Variants in MACROD2 observed in about 807,000 individuals in gnomAD.
MACROD2 encodes the protein ADP-ribose glycohydrolase MACROD2.
A neutral mutation model predicts 70.4 loss-of-function variants in MACROD2; 36 were observed. The ratio of observed to expected loss-of-function variants is 0.51; its 90% CI spans 0.39 to 0.68. The LOEUF is 0.68. Ranked by LOEUF, MACROD2 falls within the 30% of genes least tolerant of loss-of-function variation. The pLI is 0.00. For missense variants in MACROD2, 496 were observed against 538.4 expected, an observed-to-expected ratio of 0.92 and a Z score of 0.78; for synonymous variants, 172 against 178.8, an observed-to-expected ratio of 0.96 and a Z score of 0.30.
At chr20:15,663,232 ATTTTTTTT>A (rs34234600) in intron 8 of MACROD2, among the ~76,000 whole-genome samples, 1 of 129,834 alleles carries the variant, frequency 7.7e-6, no homozygotes, top group Non-Finnish European at 1.6e-5. Context: ...TCAGAATTTG[ATTTTTTTT>A]TTTTTTTTTT....
At chr20:14,003,935 T>C (rs2052773623) in intron 2 of MACROD2, among the ~76,000 whole-genome samples, 1 of 152,202 alleles carries the variant, frequency 6.6e-6, no homozygotes, top group Non-Finnish European at 1.5e-5. Context: ...CAGTAATTTC[T>C]TTTTTTGTTT....
intron 3 of MACROD2, among the ~76,000 whole-genome samples, chr20:14,304,094 T>C (rs2082499268): frequency 6.6e-6 from 1 of 152,200 alleles, no homozygotes; most frequent in Admixed American, 6.5e-5. Context: ...GACCTTTCCA[T>C]TCTCTTACTA....
intron 4 of MACROD2, among the ~76,000 whole-genome samples, chr20:14,498,867 C>T (rs1000181787): frequency 5.3e-5 from 8 of 152,326 alleles, no homozygotes; most frequent in East Asian, 1.9e-4. Flanking sequence ...ATCACTCCAG[C>T]GCTCAACATC....
At chr20:15,466,706 T>A (rs1442604224) in intron 7 of MACROD2, among the ~76,000 whole-genome samples, 4 of 152,368 alleles carry the variant, frequency 2.6e-5, no homozygotes, top group African/African-American at 9.6e-5. Context: ...GAAAAGAGAC[T>A]GTATTATAAT....
intron 12 of MACROD2, among the ~76,000 whole-genome samples, chr20:15,939,970 C>T (rs1302592237): frequency 6.6e-6 from 1 of 152,088 alleles, no homozygotes; most frequent in African/African-American, 2.4e-5. Context: ...TGTAACTGAA[C>T]TGTAATCTCA....
intron 3 of MACROD2, among the ~76,000 whole-genome samples, chr20:14,233,712 AAGAAAAG>A (rs1425632912): frequency 1.1e-4 from 4 of 35,454 alleles, no homozygotes; most frequent in Non-Finnish European, 3.8e-4. Context: ...AAAAAAAAAA[AAGAAAAG>A]AAAAGAAAAG....
intron 6 of MACROD2, among the ~76,000 whole-genome samples, chr20:15,400,940 T>C (rs2146307548): frequency 6.6e-6 from 1 of 152,156 alleles, no homozygotes; most frequent in Non-Finnish European, 1.5e-5. Flanking sequence ...CAGCTAGAGA[T>C]CTCACATCTA....
At chr20:15,609,724 A>G (rs2048940785) in intron 8 of MACROD2, among the ~76,000 whole-genome samples, 1 of 152,212 alleles carries the variant, frequency 6.6e-6, no homozygotes, top group Admixed American at 6.5e-5. Context: ...ATTGGTTTAA[A>G]CATATTGCTT....
chr20:14,033,446 A>G (rs1444205007), intron 2 of MACROD2, among the ~76,000 whole-genome samples: 1 of 151,980 alleles, frequency 6.6e-6, no homozygotes, highest in African/African-American at 2.4e-5. Flanking sequence ...TGTAGATTCT[A>G]TTCTATTCAT....
At chr20:15,995,800 G>A (rs12151920) in intron 15 of MACROD2, among the ~76,000 whole-genome samples, 2 of 151,470 alleles carry the variant, frequency 1.3e-5, no homozygotes, top group Non-Finnish European at 2.9e-5. Flanking sequence ...TTATGGCTGA[G>A]TAATATTCCA....
chr20:14,945,102 T>TTTTC (rs1245971459), intron 5 of MACROD2, among the ~76,000 whole-genome samples: 3 of 152,052 alleles, frequency 2.0e-5, no homozygotes, highest in Admixed American at 1.3e-4. Context: ...GCTACTTTTC[T>TTTTC]TTTCTTTCTT....
intron 5 of MACROD2, among the ~76,000 whole-genome samples, chr20:14,828,382 A>G (rs146352461): frequency 6.6e-6 from 1 of 152,312 alleles, no homozygotes; most frequent in African/African-American, 2.4e-5. Flanking sequence ...CATCCAGAAT[A>G]ACACCTATGT....
At chr20:15,437,986 G>A (rs1030133178) in intron 7 of MACROD2, among the ~76,000 whole-genome samples, 11 of 151,842 alleles carry the variant, frequency 7.2e-5, no homozygotes, top group Non-Finnish European at 1.5e-4. Context: ...CTGTATAGTG[G>A]AACGTTTTAT....
At chr20:14,421,563 C>A (rs377630370) in intron 3 of MACROD2, among the ~76,000 whole-genome samples, 1 of 152,242 alleles carries the variant, frequency 6.6e-6, no homozygotes. Context: ...ACCAACAGCA[C>A]TTGCTTTTGG....
chr20:14,303,616 C>G (rs2082495133), intron 3 of MACROD2, among the ~76,000 whole-genome samples: 1 of 152,158 alleles, frequency 6.6e-6, no homozygotes, highest in Non-Finnish European at 1.5e-5. Flanking sequence ...GTGAGAAGCC[C>G]TTCAGCTGAC....
chr20:14,561,313 A>T (rs1979416249), intron 4 of MACROD2, among the ~76,000 whole-genome samples: 2 of 151,806 alleles, frequency 1.3e-5, no homozygotes, highest in South Asian at 2.1e-4. Context: ...TTCTTTTTAA[A>T]TGTCTTGATT....
At chr20:14,445,568 C>T (rs2084173858) in intron 3 of MACROD2, among the ~76,000 whole-genome samples, 1 of 152,068 alleles carries the variant, frequency 6.6e-6, no homozygotes, top group African/African-American at 2.4e-5. Context: ...GAACTTGATT[C>T]CTTTGTTTAT....
chr20:14,685,798 T>C (rs1011579928), intron 5 of MACROD2, among the ~76,000 whole-genome samples: 2 of 152,192 alleles, frequency 1.3e-5, no homozygotes, highest in African/African-American at 4.8e-5. Context: ...GTGGAATACA[T>C]TTTATGTAAA....
intron 3 of MACROD2, among the ~76,000 whole-genome samples, chr20:14,446,515 GA>G (rs1015123903): frequency 1.3e-5 from 2 of 151,872 alleles, no homozygotes; most frequent in African/African-American, 4.8e-5. Flanking sequence ...GATGAACCTG[GA>G]AGGAACTTTG....
Sources: gnomAD v4.1 joint callset for allele counts (sites outside exome capture counted in the v4.1 genomes callset) on GRCh38, gnomAD v4.1.1 for gene constraint, MANE v1.5 for transcripts, NCBI Gene and HGNC (gene_info 2026-07-23, HGNC 2026-07-21) for gene names.